Variants in EPHA6 observed in about 807,000 individuals in gnomAD.
The protein encoded by EPHA6 is ephrin type-A receptor 6.
EPHA6 carries 50 observed loss-of-function variants against 112.0 expected under a neutral mutation model. The observed-to-expected ratio is 0.45, with a 90% confidence interval of 0.36 to 0.56. The LOEUF (loss-of-function observed/expected upper bound fraction) is 0.56. EPHA6 is among the 20% of genes least tolerant of loss of function. EPHA6 has a pLI of 0.00. For synonymous variants in EPHA6, 529 were observed against 490.7 expected (o/e 1.08, Z -1.03); for missense variants, 1,280 against 1,417.4 (o/e 0.90, Z 1.56).
chr3:97,269,223 TTC>T (rs1264273430), intron 5 of EPHA6, among the ~76,000 whole-genome samples: 1 of 152,214 alleles, frequency 6.6e-6, no homozygotes, highest in Admixed American at 6.5e-5. Flanking sequence ...TCAATTGTTT[TTC>T]TCTGTTTCTT....
chr3:97,680,630 T>C (rs2031787898), intron 14 of EPHA6, among the ~76,000 whole-genome samples: 1 of 152,224 alleles, frequency 6.6e-6, no homozygotes, highest in Admixed American at 6.5e-5. Context: ...ACTTTTACTG[T>C]ATTGTCATGG....
chr3:97,076,221 G>A (rs1313313727), intron 3 of EPHA6, among the ~76,000 whole-genome samples: 2 of 152,132 alleles, frequency 1.3e-5, no homozygotes, highest in Admixed American at 6.6e-5. Flanking sequence ...CAAATTGTGG[G>A]TGCAGAAGTA....
At chr3:97,111,810 G>T (rs2047732420) in intron 3 of EPHA6, among the ~76,000 whole-genome samples, 1 of 151,872 alleles carries the variant, frequency 6.6e-6, no homozygotes, top group Non-Finnish European at 1.5e-5. Flanking sequence ...TCATTTGACG[G>T]CACTGAAGCA....
chr3:97,339,494 G>C (rs2083206920), intron 5 of EPHA6, among the ~76,000 whole-genome samples: 1 of 152,088 alleles, frequency 6.6e-6, no homozygotes, highest in Admixed American at 6.5e-5. Flanking sequence ...AATGGCAGTA[G>C]ATTGAAGTAT....
chr3:97,033,316 C>T (rs976280333), intron 3 of EPHA6, among the ~76,000 whole-genome samples: 2 of 151,874 alleles, frequency 1.3e-5, no homozygotes, highest in African/African-American at 2.4e-5. Flanking sequence ...TTGTAAAAAA[C>T]TTGTAGAAAA....
intron 3 of EPHA6, among the ~76,000 whole-genome samples, chr3:97,051,125 C>T (rs780361865): frequency 8.5e-5 from 13 of 152,076 alleles, no homozygotes; most frequent in Non-Finnish European, 1.8e-4. Context: ...AATGGCAATA[C>T]ATAATGGAGG....
chr3:97,142,166 C>G (rs74463970), intron 3 of EPHA6, among the ~76,000 whole-genome samples: 11,791 of 151,914 alleles, frequency 0.078, 748 homozygotes, highest in Admixed American at 0.21. Context: ...AGTTGTTGAT[C>G]AAAGATTCAT....
At chr3:97,065,806 A>G (rs890391684) in intron 3 of EPHA6, among the ~76,000 whole-genome samples, 1 of 152,070 alleles carries the variant, frequency 6.6e-6, no homozygotes, top group Non-Finnish European at 1.5e-5. Flanking sequence ...TGTTCAGATC[A>G]TATGATACTA....
chr3:97,255,144 A>ATGTGTGTGTGTGTGTGTG (rs10631180), intron 5 of EPHA6, among the ~76,000 whole-genome samples: 1 of 144,278 alleles, frequency 6.9e-6, no homozygotes, highest in Non-Finnish European at 1.5e-5. Flanking sequence ...TACATCTTGG[A>ATGTGTGTGTGTGTGTGTG]TGTGTGTGTG....
At chr3:97,257,430 CA>C (rs2079352734) in intron 5 of EPHA6, among the ~76,000 whole-genome samples, 1 of 151,856 alleles carries the variant, frequency 6.6e-6, no homozygotes, top group Non-Finnish European at 1.5e-5. Context: ...ATATGCATTA[CA>C]AAAAAACTTC....
intron 2 of EPHA6, among the ~76,000 whole-genome samples, chr3:96,973,096 C>G (rs2042380152): frequency 6.6e-6 from 1 of 152,018 alleles, no homozygotes; most frequent in Non-Finnish European, 1.5e-5. Context: ...CTTTCTATAC[C>G]CAAAAGGAAT....
rs76132776 is a variant in EPHA6, at chr3:97,216,711, C to T, written c.1115-9553C>T. Among the ~76,000 whole-genome samples, 58 of 152,182 alleles carry T rather than the reference C, an allele frequency of 3.8e-4. 1 individual carries two copies. The East Asian group carries it at 3.9e-3, about 10-fold the overall frequency. ...ACTCCTCCAGTGATATTTTAGAGTTCGTATTGCTCCATATTCTCAGAAACA... is the reference window on the plus strand; with the variant it reads ...ACTCCTCCAGTGATATTTTAGAGTTTGTATTGCTCCATATTCTCAGAAACA... On this transcript the variant is annotated intron_variant, in intron 3 of 17. Transcript: ENST00000389672.
At chr3:97,061,103 AAAGAAG>A (rs989249860) in intron 3 of EPHA6, among the ~76,000 whole-genome samples, 2 of 152,164 alleles carry the variant, frequency 1.3e-5, no homozygotes, top group Non-Finnish European at 2.9e-5. Context: ...AAAATTAGGT[AAAGAAG>A]AAGTAGCTAA....
intron 11 of EPHA6, among the ~76,000 whole-genome samples, chr3:97,569,505 T>C (rs959407004): frequency 2.0e-5 from 3 of 152,176 alleles, no homozygotes; most frequent in Non-Finnish European, 2.9e-5. Flanking sequence ...TAGGTGACTT[T>C]GGGAAATTAT....
chr3:96,961,012 C>T lies in EPHA6; in HGVS notation c.451-26318C>T, dbSNP rs184170996. Among the ~76,000 whole-genome samples, 6 of 152,314 alleles carry T rather than the reference C, an allele frequency of 3.9e-5. No individual in the cohort carries two copies. The East Asian group carries it at 1.2e-3, about 29-fold the overall frequency. ...CAGGTCTTTTGATGAATAATCCCTT[C>T]CCTTACAATGAAGGGAGAAAACTTG... is the stretch of plus-strand genomic sequence containing the variant. On this transcript the variant is annotated intron_variant, in intron 2 of 17. Transcript: ENST00000389672.
intron 14 of EPHA6, among the ~76,000 whole-genome samples, chr3:97,690,901 AT>A (rs1229210360): frequency 6.6e-6 from 1 of 152,042 alleles, no homozygotes; most frequent in Admixed American, 6.6e-5. Flanking sequence ...ATTGGTTATT[AT>A]TTTCTTGACA....
intron 5 of EPHA6, among the ~76,000 whole-genome samples, chr3:97,335,937 C>T (rs762686977): frequency 2.2e-4 from 33 of 151,872 alleles, no homozygotes; most frequent in Non-Finnish European, 4.3e-4. Flanking sequence ...AGCCAGTTCC[C>T]GCATGGGAGC....
chr3:97,019,801 A>G (rs2044389690), intron 3 of EPHA6, among the ~76,000 whole-genome samples: 2 of 152,152 alleles, frequency 1.3e-5, no homozygotes, highest in Admixed American at 6.6e-5. Flanking sequence ...TTATGTATAT[A>G]TAAAACATAT....
At chr3:97,405,343 C>T (rs561648668) in intron 6 of EPHA6, 69 bp downstream of exon 6, 38 of 1,320,322 alleles carry the variant, frequency 2.9e-5, no homozygotes, top group Non-Finnish European at 3.8e-5. Flanking sequence ...TTGAGCATGT[C>T]GTTATACTAT....
Sources: allele counts gnomAD v4.1 joint callset (sites outside exome capture counted in the v4.1 genomes callset), GRCh38; gene constraint gnomAD v4.1.1; transcripts MANE v1.5; gene names NCBI Gene and HGNC (gene_info 2026-07-23, HGNC 2026-07-21).